The following DOK6 variants were observed in gnomAD, a reference collection of about 807,000 sequenced individuals.
DOK6 encodes the protein docking protein 6.
A neutral mutation model predicts 44.0 loss-of-function variants in DOK6; 22 were observed. The ratio of observed to expected loss-of-function variants is 0.50; its 90% CI spans 0.36 to 0.71. The LOEUF is 0.71. DOK6 is among the 30% of genes least tolerant of loss of function. The probability of loss-of-function intolerance (pLI) is 0.00; values close to 1 mark genes in which losing one functional copy is unlikely to be tolerated. For synonymous variants in DOK6, 166 were observed against 145.5 expected (o/e 1.14, Z -1.01); for missense variants, 340 against 416.4 (o/e 0.82, Z 1.60).
chr18:69,645,691 A>T (rs1985054093), intron 3 of DOK6, among the ~76,000 whole-genome samples: 2 of 152,208 alleles, frequency 1.3e-5, no homozygotes, highest in South Asian at 4.1e-4. Context: ...CAGGAAAAAA[A>T]AATGAATACT....
At chr18:69,447,194 C>A (rs1262420853) in intron 1 of DOK6, among the ~76,000 whole-genome samples, 1 of 152,176 alleles carries the variant, frequency 6.6e-6, no homozygotes, top group African/African-American at 2.4e-5. Flanking sequence ...TTAGGTCTAA[C>A]ATTTAAGTCT....
intron 2 of DOK6, among the ~76,000 whole-genome samples, chr18:69,567,641 A>T (rs184694711): frequency 6.6e-6 from 1 of 152,200 alleles, no homozygotes; most frequent in Non-Finnish European, 1.5e-5. Context: ...GTCTTAAAAT[A>T]CCACTTTGTA....
intron 1 of DOK6, among the ~76,000 whole-genome samples, chr18:69,559,639 AT>A (rs1982778576): frequency 6.6e-6 from 1 of 152,134 alleles, no homozygotes; most frequent in African/African-American, 2.4e-5. Flanking sequence ...TTTTAAAAAA[AT>A]ATATCTAAAA....
chr18:69,814,584 A>C (rs1027114467), intron 7 of DOK6, among the ~76,000 whole-genome samples: 2 of 152,166 alleles, frequency 1.3e-5, no homozygotes, highest in Non-Finnish European at 2.9e-5. Context: ...AAAGAGGTTT[A>C]GTTGACTCAC....
At chr18:69,472,981 GC>G (rs1267470013) in intron 1 of DOK6, among the ~76,000 whole-genome samples, 1 of 152,164 alleles carries the variant, frequency 6.6e-6, no homozygotes, top group Non-Finnish European at 1.5e-5. Flanking sequence ...GCTGGCATTA[GC>G]TTCCCTTGTT....
At chr18:69,717,311 T>C (rs2144720476) in intron 5 of DOK6, among the ~76,000 whole-genome samples, 1 of 152,334 alleles carries the variant, frequency 6.6e-6, no homozygotes. Context: ...AGCCTATTTA[T>C]ATTTCTCAGT....
intron 3 of DOK6, among the ~76,000 whole-genome samples, chr18:69,653,061 T>C (rs149348686): frequency 6.6e-6 from 1 of 152,132 alleles, no homozygotes; most frequent in African/African-American, 2.4e-5. Context: ...CATGGGTAAA[T>C]AGTGGATATT....
chr18:69,740,479 C>G (rs927773472), intron 6 of DOK6, among the ~76,000 whole-genome samples: 4 of 152,160 alleles, frequency 2.6e-5, no homozygotes, highest in Admixed American at 6.6e-5. Context: ...CTCTGTACTT[C>G]TTTACTTATA....
At chr18:69,749,795 A>T (rs1384713466) in intron 6 of DOK6, among the ~76,000 whole-genome samples, 1 of 151,982 alleles carries the variant, frequency 6.6e-6, no homozygotes, top group African/African-American at 2.4e-5. Context: ...AAAAAAAATT[A>T]GCTGGGCGTG....
At chr18:69,739,482 CTTTATTT>C (rs1292571144) in intron 6 of DOK6, among the ~76,000 whole-genome samples, 1 of 152,160 alleles carries the variant, frequency 6.6e-6, no homozygotes, top group Non-Finnish European at 1.5e-5. Flanking sequence ...AAGGGTTCCA[CTTTATTT>C]TTTAACCTTT....
chr18:69,819,228 A>G (rs1405139234), intron 7 of DOK6, among the ~76,000 whole-genome samples: 3 of 152,198 alleles, frequency 2.0e-5, no homozygotes, highest in Non-Finnish European at 4.4e-5. Context: ...ATCATAGGAT[A>G]GTAGCCATCT....
chr18:69,437,817 C>G (rs1255077994), intron 1 of DOK6, among the ~76,000 whole-genome samples: 1 of 152,070 alleles, frequency 6.6e-6, no homozygotes, highest in Non-Finnish European at 1.5e-5. Flanking sequence ...TGGTTCAGTT[C>G]TAGACCACCA....
At chr18:69,691,425 T>C (rs913033404) in intron 4 of DOK6, among the ~76,000 whole-genome samples, 1 of 130,248 alleles carries the variant, frequency 7.7e-6, no homozygotes, top group Non-Finnish European at 1.7e-5. Context: ...GAGAACTACT[T>C]GTAGAATTTG....
At chr18:69,651,861 A>G (rs373718377) in intron 3 of DOK6, among the ~76,000 whole-genome samples, 1 of 152,148 alleles carries the variant, frequency 6.6e-6, no homozygotes, top group African/African-American at 2.4e-5. Context: ...TCTGACCTCC[A>G]TTGGTTAAAT....
intron 6 of DOK6, among the ~76,000 whole-genome samples, chr18:69,755,706 T>C (rs942828045): frequency 6.6e-5 from 10 of 152,226 alleles, no homozygotes; most frequent in Non-Finnish European, 1.5e-4. Flanking sequence ...TGCATAGCTC[T>C]ACCTGCAGAG....
chr18:69,590,556 A>T (rs558808597), intron 2 of DOK6, among the ~76,000 whole-genome samples: 14 of 152,246 alleles, frequency 9.2e-5, no homozygotes, highest in African/African-American at 3.4e-4. Context: ...TTGGAAAAAG[A>T]TGAGATTAGA....
chr18:69,466,080 T>G (rs975639311), intron 1 of DOK6, among the ~76,000 whole-genome samples: 2 of 152,214 alleles, frequency 1.3e-5, no homozygotes, highest in Non-Finnish European at 2.9e-5. Flanking sequence ...TTATTAACTG[T>G]AGTTACCATG....
intron 1 of DOK6, among the ~76,000 whole-genome samples, chr18:69,489,186 C>G (rs1325990248): frequency 1.3e-5 from 2 of 152,208 alleles, no homozygotes; most frequent in Admixed American, 6.5e-5. Flanking sequence ...GCCCCACCCA[C>G]CTTGTCCAGC....
intron 7 of DOK6, among the ~76,000 whole-genome samples, chr18:69,819,698 C>T (rs1981510445): frequency 6.6e-6 from 1 of 152,118 alleles, no homozygotes; most frequent in African/African-American, 2.4e-5. Flanking sequence ...CCTTGAAAAG[C>T]ATCATTTTAC....
Sources: allele counts gnomAD v4.1 joint callset (sites outside exome capture counted in the v4.1 genomes callset), GRCh38; gene constraint gnomAD v4.1.1; transcripts MANE v1.5; gene names NCBI Gene and HGNC (gene_info 2026-07-23, HGNC 2026-07-21).